The following PPARGC1B variants were observed in gnomAD, a reference collection of about 807,000 sequenced individuals.
The protein encoded by PPARGC1B is PPARG coactivator 1 beta, also known as peroxisome proliferator-activated receptor gamma coactivator 1-beta.
A neutral mutation model predicts 101.6 loss-of-function variants in PPARGC1B; 34 were observed. The ratio of observed to expected loss-of-function variants is 0.33; its 90% CI spans 0.25 to 0.45. The LOEUF is 0.45. Among genes scored for constraint, PPARGC1B ranks in the 20% least tolerant of loss-of-function variants. The pLI is 1.00. For synonymous variants in PPARGC1B, 548 were observed against 539.3 expected, an observed-to-expected ratio of 1.02 and a Z score of -0.22; for missense variants, 1,234 against 1,317.6, an observed-to-expected ratio of 0.94 and a Z score of 0.98.
chr5:149,761,146 A>G (rs1755702769), intron 1 of PPARGC1B, among the ~76,000 whole-genome samples: 1 of 152,192 alleles, frequency 6.6e-6, no homozygotes, highest in African/African-American at 2.4e-5. Flanking sequence ...TTTAACGTAC[A>G]TAATGTGATG....
chr5:149,731,021 T>A (rs1754442627), intron 1 of PPARGC1B, among the ~76,000 whole-genome samples: 1 of 152,210 alleles, frequency 6.6e-6, no homozygotes, highest in African/African-American at 2.4e-5. Context: ...TCTTCCTGGT[T>A]TCGCTATCGG....
downstream of PPARGC1B, among the ~76,000 whole-genome samples, chr5:149,857,284 T>G (rs565286724): frequency 6.6e-6 from 1 of 152,346 alleles, no homozygotes; most frequent in African/African-American, 2.4e-5. Flanking sequence ...GTGATCCTCA[T>G]TCAGCTCAGT....
chr5:149,815,109 C>T (rs942191264), intron 1 of PPARGC1B, among the ~76,000 whole-genome samples: 1 of 152,188 alleles, frequency 6.6e-6, no homozygotes, highest in African/African-American at 2.4e-5. Context: ...CCTGGCTTCA[C>T]AGGGAGAGAA....
At position 149,842,263 on chromosome 5, in the gene PPARGC1B, G is replaced by A; in HGVS notation, c.2702G>A (p.Gly901Asp). Residue 901 changes from glycine (G) to aspartate (D), a missense_variant, in exon 10 of 12, where the codon GGC becomes GAC. Physicochemically the swap from Gly to Asp is moderately conservative, Grantham distance 94. Around this residue, in one of 3 missense-constraint regions of PPARGC1B, gnomAD observed 497 missense variants for 529.5 expected, o/e 0.94. Transcript: ENST00000309241. ...RKRREKAIGE[G>D]RVVYIQNLSS... ...GTCCTCCTTCTTGGGCAGGGGGAAG[G>A]CCGCGTGGTGTACATTCAAAATCTC... The A allele has an allele frequency of 6.2e-7, 1 of 1,613,466 alleles. No individual in the cohort carries two copies. Among genetic ancestry groups the A allele is most frequent in the Middle Eastern group, 1.8e-4 (1 of 5,584 alleles).
intron 1 of PPARGC1B, among the ~76,000 whole-genome samples, chr5:149,775,451 C>G (rs1039728670): frequency 6.6e-6 from 1 of 152,108 alleles, no homozygotes; most frequent in African/African-American, 2.4e-5. Flanking sequence ...CATGTGGCCA[C>G]AGGGATAAAG....
chr5:149,770,977 G>C (rs1056455881), intron 1 of PPARGC1B, among the ~76,000 whole-genome samples: 5 of 152,142 alleles, frequency 3.3e-5, no homozygotes, highest in Non-Finnish European at 4.4e-5. Context: ...GCTTGCTGTC[G>C]TTTATGTGGG....
intron 1 of PPARGC1B, among the ~76,000 whole-genome samples, chr5:149,767,047 G>A (rs971590313): frequency 1.3e-5 from 2 of 152,206 alleles, no homozygotes; most frequent in Non-Finnish European, 2.9e-5. Context: ...AGCTGTCCTG[G>A]AAACTCTTTG....
rs947875211 is a variant in PPARGC1B, at chr5:149,849,114, C to G, written c.*1556C>G. 1 of 151,694 alleles carries G rather than the reference C, an allele frequency of 6.6e-6. No homozygotes were observed. Among genetic ancestry groups the G allele is most frequent in the Non-Finnish European group, 1.5e-5 (1 of 67,936 alleles). 9.4% of individuals were successfully genotyped at this position (151,694 alleles called of 1,614,324 possible). A position where few individuals can be genotyped will look rare whatever the true frequency, so the allele number is the denominator to read the frequency against. ...AAATTTTTGTATTTTTTTTTTAAGT[C>G]CTGCTGCTTTAAAAATTTGAAAGTG... On this transcript the variant is annotated 3_prime_UTR_variant, in exon 12 of 12. Coordinates refer to ENST00000309241, the MANE Select transcript of PPARGC1B (RefSeq NM_133263.4).
At chr5:149,826,299 A>C (rs1418490692) in intron 2 of PPARGC1B, among the ~76,000 whole-genome samples, 5 of 152,112 alleles carry the variant, frequency 3.3e-5, no homozygotes, top group Admixed American at 1.3e-4. Flanking sequence ...GGTTGCTGCT[A>C]CCAGTGTGGT....
chr5:149,839,443 G>T (rs1172215946), intron 8 of PPARGC1B, among the ~76,000 whole-genome samples: 1 of 152,186 alleles, frequency 6.6e-6, no homozygotes, highest in Non-Finnish European at 1.5e-5. Flanking sequence ...GCTGCAGGTG[G>T]GTGGCACCTG....
intron 1 of PPARGC1B, among the ~76,000 whole-genome samples, chr5:149,744,617 G>A (rs540593378): frequency 2.0e-5 from 3 of 152,306 alleles, no homozygotes; most frequent in Non-Finnish European, 4.4e-5. Context: ...GCAGGCAAAA[G>A]TTTTGGCATT....
chr5:149,814,473 G>A (rs1162707424), intron 1 of PPARGC1B, among the ~76,000 whole-genome samples: 1 of 152,116 alleles, frequency 6.6e-6, no homozygotes, highest in East Asian at 1.9e-4. Context: ...TTTTCCAGAG[G>A]GGTCAGTGAG....
At position 149,854,637 on chromosome 5, in the gene PPARGC1B, C is replaced by T. The variant is rs1023717219; in HGVS notation, c.*7079C>T. On this transcript the variant is annotated 3_prime_UTR_variant, in exon 12 of 12. Coordinates refer to ENST00000309241, the MANE Select transcript of PPARGC1B (RefSeq NM_133263.4). ...TCCTTATTTATATAAATACTTTATCCGTAAGAGGCAAGGAGGAAACCTTCT... is the reference window on the plus strand; with the variant it reads ...TCCTTATTTATATAAATACTTTATCTGTAAGAGGCAAGGAGGAAACCTTCT... 6.6e-6 allele frequency: 1 copy of T among 151,582 alleles called. No homozygotes were observed. The highest frequency in any genetic ancestry group is 6.6e-5 in the Admixed American group (1 of 15,204). 9.4% of individuals were successfully genotyped at this position (151,582 alleles called of 1,614,324 possible). A position where few individuals can be genotyped will look rare whatever the true frequency, so the allele number is the denominator to read the frequency against.
At chr5:149,829,300 G>A (rs1758649158) in intron 3 of PPARGC1B, among the ~76,000 whole-genome samples, 1 of 152,164 alleles carries the variant, frequency 6.6e-6, no homozygotes, top group African/African-American at 2.4e-5. Context: ...CTCTCACAGT[G>A]CACCGGGCCT....
Position 149,730,374 on chromosome 5 carries a change from A to G in PPARGC1B, c.32A>G (p.Asp11Gly). The G allele has an allele frequency of 6.3e-7, 1 of 1,574,960 alleles. No homozygotes were observed. The highest frequency in any genetic ancestry group is 8.6e-7 in the Non-Finnish European group (1 of 1,163,372). MAGNDCGALL[D>G]EELSSFFLNY... ...GGGAACGACTGCGGCGCGCTGCTGGACGAAGAGCTCTCCTCCTTCTTCCTC... is the reference window on the plus strand; with the variant it reads ...GGGAACGACTGCGGCGCGCTGCTGGGCGAAGAGCTCTCCTCCTTCTTCCTC... The change falls in exon 1 of 12, where the codon GAC becomes GGC. Residue 11 changes from aspartate to glycine, a missense_variant. Asp to Gly is a moderately conservative substitution (Grantham distance 94). Coordinates refer to ENST00000309241, the MANE Select transcript of PPARGC1B (RefSeq NM_133263.4). The surrounding 1 kb of genome is among the most constrained non-coding windows in gnomAD (Gnocchi z 4.0).
At position 149,836,336 on chromosome 5, in the gene PPARGC1B, T is replaced by C. The variant is rs760935000; in HGVS notation, c.1881T>C (p.Ser627=). The C allele has an allele frequency of 6.2e-7, 1 of 1,613,734 alleles. No homozygotes were observed. Among genetic ancestry groups the C allele is most frequent in the East Asian group, 2.2e-5 (1 of 44,832 alleles). ...EDPFKPDIKH[S]LGKEIALSLP... ...CCTTCAAACCAGACATCAAGCATAG[T>C]CTAGGCAAAGAAATAGCTCTCAGCC... is the stretch of plus-strand genomic sequence containing the variant. Residue 627 remains serine, a synonymous_variant, in exon 8 of 12, where the codon AGT becomes AGC. Transcript: ENST00000309241.
At chr5:149,786,651 C>T (rs1171656696) in intron 1 of PPARGC1B, among the ~76,000 whole-genome samples, 3 of 152,206 alleles carry the variant, frequency 2.0e-5, no homozygotes, top group Non-Finnish European at 4.4e-5. Flanking sequence ...GGCTGTCTAA[C>T]CCCCACTGGA....
At chr5:149,838,420 CCT>C (rs150609084) in intron 8 of PPARGC1B, among the ~76,000 whole-genome samples, 6,926 of 152,278 alleles carry the variant, frequency 0.045, 303 homozygotes, top group Admixed American at 0.14. Context: ...CTTCGCTGAG[CCT>C]CTCTTTCTGG....
At chr5:149,768,034 T>G (rs925150760) in intron 1 of PPARGC1B, among the ~76,000 whole-genome samples, 9 of 151,874 alleles carry the variant, frequency 5.9e-5, no homozygotes, top group African/African-American at 1.9e-4. Context: ...TGGGAGATAG[T>G]GACACCCAAA....
Sources: allele counts gnomAD v4.1 joint callset (sites outside exome capture counted in the v4.1 genomes callset), GRCh38; gene constraint gnomAD v4.1.1; regional missense constraint gnomAD v4.1.1; non-coding constraint Gnocchi (gnomAD v3.1); transcripts MANE v1.5; gene names NCBI Gene and HGNC (gene_info 2026-07-23, HGNC 2026-07-21).